The following TOX2 variants were observed in gnomAD, a reference collection of about 807,000 sequenced individuals.
The protein encoded by TOX2 is TOX high mobility group box family member 2.
Under a neutral mutation model 47.4 loss-of-function variants are expected in TOX2, and 15 were observed. That is an observed-to-expected ratio of 0.32 (90% CI 0.21 to 0.49). The LOEUF is 0.49. TOX2 is among the 20% of genes least tolerant of loss of function. TOX2 has a pLI of 0.99. For synonymous variants in TOX2, 290 were observed against 296.6 expected, an observed-to-expected ratio of 0.98 and a Z score of 0.23; for missense variants, 622 against 673.1, an observed-to-expected ratio of 0.92 and a Z score of 0.84.
At chr20:44,054,570 G>C (rs779665607) in intron 5 of TOX2, 44 bp downstream of exon 5, 1 of 1,581,464 alleles carries the variant, frequency 6.3e-7, no homozygotes, top group Non-Finnish European at 8.6e-7. Flanking sequence ...AGGCTTTGTG[G>C]TCCTGGAACC....
chr20:44,056,701 C>T (rs907226704), intron 5 of TOX2, among the ~76,000 whole-genome samples: 1 of 152,090 alleles, frequency 6.6e-6, no homozygotes, highest in African/African-American at 2.4e-5. Flanking sequence ...TTACTTAATG[C>T]GTTATAAATG....
chr20:44,005,801 C>T (rs1460900542), intron 2 of TOX2, among the ~76,000 whole-genome samples: 1 of 152,152 alleles, frequency 6.6e-6, no homozygotes, highest in Non-Finnish European at 1.5e-5. Context: ...CTTAAGAATA[C>T]CTCAAAGAAC....
At chr20:44,029,654 A>G (rs958358380) in intron 3 of TOX2, among the ~76,000 whole-genome samples, 1 of 152,124 alleles carries the variant, frequency 6.6e-6, no homozygotes. Context: ...CCCATGGGGA[A>G]TTGCTGTGAT....
chr20:43,930,643 C>T (rs2069240321), intron 1 of TOX2, among the ~76,000 whole-genome samples: 1 of 152,122 alleles, frequency 6.6e-6, no homozygotes, highest in South Asian at 2.1e-4. Flanking sequence ...GTTGGCCTGG[C>T]CTTCGGAGAT....
intron 5 of TOX2, among the ~76,000 whole-genome samples, chr20:44,057,698 C>G (rs568912376): frequency 1.3e-5 from 2 of 151,662 alleles, no homozygotes; most frequent in African/African-American, 2.4e-5. Flanking sequence ...ATAAACAATA[C>G]CAAAATTTAA....
At chr20:43,934,798 T>TTGTGTGTGTGTGTGTGTGTG (rs148972789) in intron 1 of TOX2, among the ~76,000 whole-genome samples, 1 of 147,748 alleles carries the variant, frequency 6.8e-6, no homozygotes, top group Non-Finnish European at 1.5e-5. Context: ...GTGTGTGTGT[T>TTGTGTGTGTGTGTGTGTGTG]TGTGTGTGTG....
chr20:43,940,745 C>T (rs981666477), intron 1 of TOX2, among the ~76,000 whole-genome samples: 5 of 152,050 alleles, frequency 3.3e-5, no homozygotes, highest in Admixed American at 2.0e-4. Context: ...TTTGCAGAGA[C>T]GAGGCACATG....
chr20:44,025,839 A>AG (rs1198720722), intron 3 of TOX2, among the ~76,000 whole-genome samples: 15 of 151,850 alleles, frequency 9.9e-5, no homozygotes, highest in Non-Finnish European at 8.8e-5. Flanking sequence ...TTTCAGCCTC[A>AG]GCTTTCTCAT....
At chr20:43,918,352 T>C (rs1442547846) in intron 1 of TOX2, among the ~76,000 whole-genome samples, 1 of 152,198 alleles carries the variant, frequency 6.6e-6, no homozygotes, top group African/African-American at 2.4e-5. Flanking sequence ...CATGAAGATT[T>C]TAAGTGTACA....
intron 3 of TOX2, among the ~76,000 whole-genome samples, chr20:44,029,201 T>C (rs6017247): frequency 0.7 from 106,215 of 151,786 alleles, 37,525 homozygotes; most frequent in Middle Eastern, 0.8. Flanking sequence ...TCATTGTTTT[T>C]GACCAGTGGT....
At chr20:44,053,522 CAT>C (rs757664844) in intron 4 of TOX2, among the ~76,000 whole-genome samples, 2,546 of 144,192 alleles carry the variant, frequency 0.018, 85 homozygotes, top group African/African-American at 0.061. Context: ...TATATATACA[CAT>C]ATATATACAT....
chr20:43,992,472 G>A (rs773131209), intron 2 of TOX2, among the ~76,000 whole-genome samples: 1 of 152,144 alleles, frequency 6.6e-6, no homozygotes, highest in Non-Finnish European at 1.5e-5. Context: ...TCAGCATCTC[G>A]CAATGTCTTG....
At chr20:44,010,214 T>TA (rs1171824933) in intron 3 of TOX2, among the ~76,000 whole-genome samples, 2 of 152,218 alleles carry the variant, frequency 1.3e-5, no homozygotes, top group Non-Finnish European at 2.9e-5. Context: ...GCCACCTGAT[T>TA]ATAATAGCTC....
intron 2 of TOX2, among the ~76,000 whole-genome samples, chr20:43,990,389 CT>C (rs1433930108): frequency 2.6e-5 from 4 of 152,120 alleles, no homozygotes; most frequent in African/African-American, 9.7e-5. Context: ...TGGCAGCCCC[CT>C]GATGGGATGT....
intron 3 of TOX2, among the ~76,000 whole-genome samples, chr20:44,028,436 C>CGCTGCA (rs1315169100): frequency 6.6e-6 from 1 of 152,198 alleles, no homozygotes; most frequent in Non-Finnish European, 1.5e-5. Context: ...CCCAAACCCT[C>CGCTGCA]GCTGCAGCGC....
At chr20:44,050,447 CAAAT>C (rs1263859852) in intron 3 of TOX2, among the ~76,000 whole-genome samples, 2 of 152,032 alleles carry the variant, frequency 1.3e-5, no homozygotes, top group African/African-American at 2.4e-5. Flanking sequence ...TTAGAAAGGG[CAAAT>C]AAATAACCAC....
intron 1 of TOX2, among the ~76,000 whole-genome samples, chr20:43,965,504 G>C (rs1014693757): frequency 6.6e-6 from 1 of 152,204 alleles, no homozygotes; most frequent in Non-Finnish European, 1.5e-5. Context: ...GCACGCACAA[G>C]AGATCGTTCA....
intron 1 of TOX2, among the ~76,000 whole-genome samples, chr20:43,943,026 G>A (rs144035555): frequency 6.6e-6 from 1 of 152,152 alleles, no homozygotes; most frequent in Non-Finnish European, 1.5e-5. Context: ...AATATTTATT[G>A]CAACGGCAAG....
chr20:44,058,604 G>A (rs1056741348), intron 5 of TOX2, among the ~76,000 whole-genome samples: 7 of 152,178 alleles, frequency 4.6e-5, no homozygotes, highest in Admixed American at 2.0e-4. Context: ...CAAAACCAGT[G>A]CACTTAAAAA....
Sources: gnomAD v4.1 joint callset for allele counts (sites outside exome capture counted in the v4.1 genomes callset) on GRCh38, gnomAD v4.1.1 for gene constraint, MANE v1.5 for transcripts, NCBI Gene and HGNC (gene_info 2026-07-23, HGNC 2026-07-21) for gene names.